Variants in BSDC1 observed in about 807,000 individuals in gnomAD.
The protein encoded by BSDC1 is BSD domain-containing protein 1.
Under a neutral mutation model 56.0 loss-of-function variants are expected in BSDC1, and 29 were observed. The ratio of observed to expected loss-of-function variants is 0.52; its 90% confidence interval spans 0.39 to 0.71. The LOEUF is 0.71. Among genes scored for constraint, BSDC1 ranks in the 30% least tolerant of loss-of-function variants. The probability of loss-of-function intolerance (pLI) is 0.00; values close to 1 mark genes in which losing one functional copy is unlikely to be tolerated. For missense variants in BSDC1, 477 were observed against 548.5 expected (o/e 0.87, Z 1.30); for synonymous variants, 210 against 215.3 (o/e 0.98, Z 0.21).
At chr1:32,391,250 C>A (rs533134093) in intron 2 of BSDC1, among the ~76,000 whole-genome samples, 1 of 150,610 alleles carries the variant, frequency 6.6e-6, no homozygotes, top group South Asian at 2.1e-4. Flanking sequence ...ATTTGGCAAG[C>A]AGTAGGTAAA....
rs1220845674 is a variant in BSDC1, at chr1:32,381,265, G to A, written c.361C>T (p.Arg121Cys). 7.4e-6 allele frequency: 12 copies of A among 1,613,540 alleles called. No homozygotes were observed. The highest frequency in any genetic ancestry group is 1.0e-5 in the Non-Finnish European group (12 of 1,179,702). Residue 121 changes from arginine to cysteine, a missense_variant, in exon 5 of 11, where the codon CGC becomes TGC. Transcript: ENST00000455895. ...TAEPYDGTKA[R>C]LYSLQSDPAT... Reference sequence around the variant, plus strand: ...GGGTCCGACTGCAGGCTATAGAGGCGAGCCTGTAAGAAAAGGAGAAGAGGA... The same window carrying A: ...GGGTCCGACTGCAGGCTATAGAGGCAAGCCTGTAAGAAAAGGAGAAGAGGA...
chr1:32,372,011 G>T (rs1439114066), intron 9 of BSDC1, among the ~76,000 whole-genome samples: 2 of 152,220 alleles, frequency 1.3e-5, no homozygotes, highest in Non-Finnish European at 2.9e-5. Flanking sequence ...GCTGGTGGCT[G>T]GGAAGGCTGC....
chr1:32,386,513 G>T, intron 3 of BSDC1: 1 of 346,548 alleles, frequency 2.9e-6, no homozygotes, highest in Non-Finnish European at 5.3e-6. Flanking sequence ...TCTTTCACTT[G>T]TCTGTGTTTT....
chr1:32,369,418 G>T, intron 9 of BSDC1: 1 of 598,024 alleles, frequency 1.7e-6, no homozygotes, highest in Non-Finnish European at 2.6e-6. Flanking sequence ...CTGAGGTGTG[G>T]TGATCACTTG....
At chr1:32,384,634 T>C (rs546354045) in intron 3 of BSDC1, among the ~76,000 whole-genome samples, 52 of 152,222 alleles carry the variant, frequency 3.4e-4, no homozygotes, top group Non-Finnish European at 3.4e-4. Context: ...TGGGCAGGAT[T>C]AGAACAGATA....
At chr1:32,376,950 C>T (rs890969365) in intron 8 of BSDC1, among the ~76,000 whole-genome samples, 4 of 152,112 alleles carry the variant, frequency 2.6e-5, no homozygotes, top group South Asian at 2.1e-4. Flanking sequence ...CTGGCCAACA[C>T]GGTGAAACCC....
At chr1:32,394,336 T>C (rs1341361270) in intron 1 of BSDC1, 68 bp downstream of exon 1, 5 of 1,612,174 alleles carry the variant, frequency 3.1e-6, no homozygotes, top group South Asian at 1.1e-5. Context: ...CCACCGGGAC[T>C]CTCGCCCAGC....
Position 32,366,235 on chromosome 1 carries a change from C to G in BSDC1, c.*387G>C, listed in dbSNP as rs931866171. On this transcript the variant is annotated 3_prime_UTR_variant, in exon 11 of 11. Coordinates refer to ENST00000455895, the MANE Select transcript of BSDC1 (RefSeq NM_018045.8). ...GGACAGAGTATGTTGTCTCAGCTTC[C>G]TCCGAGAGAGACTGGTGGTTTAGCT... The G allele has an allele frequency of 6.0e-5, 23 of 381,926 alleles. No homozygotes were observed. The highest frequency in any genetic ancestry group is 2.7e-4 in the Admixed American group (7 of 26,134). 23.7% of individuals were successfully genotyped at this position (381,926 alleles called of 1,614,324 possible). A position where few individuals can be genotyped will look rare whatever the true frequency, so the allele number is the denominator to read the frequency against.
At chr1:32,384,277 C>T (rs1355324705) in intron 3 of BSDC1, among the ~76,000 whole-genome samples, 1 of 152,138 alleles carries the variant, frequency 6.6e-6, no homozygotes, top group East Asian at 1.9e-4. Context: ...CCGGTCAAAA[C>T]TTGGCCAGAG....
chr1:32,367,646 G>C, intron 10 of BSDC1: 7 of 985,470 alleles, frequency 7.1e-6, no homozygotes, highest in Non-Finnish European at 8.4e-6. Flanking sequence ...GGAGAGCTTT[G>C]GACTGTTCCA....
chr1:32,368,433 C>T lies in BSDC1; in HGVS notation c.1260+14G>A, dbSNP rs765500703. On this transcript the variant is annotated intron_variant, in intron 10 of 10. Transcript: ENST00000455895. ...ATTAGGCTCGCTTCCCTCTGACCCA[C>T]CAGGCCCACTCACCTCCCCGGAGGC... 1.5e-5 allele frequency: 25 copies of T among 1,614,146 alleles called. 1 individual carries two copies. The highest frequency in any genetic ancestry group is 2.2e-5 in the South Asian group (2 of 91,084).
At chr1:32,376,144 T>A in intron 9 of BSDC1, 118 bp downstream of exon 9, 1 of 1,168,368 alleles carries the variant, frequency 8.6e-7, no homozygotes, top group Non-Finnish European at 1.1e-6. Context: ...CTGTCATCAT[T>A]ATCAGAAACG....
In BSDC1 at chr1:32,378,809, G is replaced by A; in HGVS notation, c.443C>T (p.Ser148Phe). The change falls in exon 6 of 11, where the codon TCC (serine) becomes TTC (phenylalanine). Residue 148 changes from serine (S) to phenylalanine (F), a missense_variant. Transcript: ENST00000455895. This position sits in a 1 kb window ranked among gnomAD's most constrained non-coding sequence, Gnocchi z 5.2. ...GPPELFDAWL[S>F]QFCLEEKKGE... ...CTTCTTCTCCTCCAAGCAGAACTGG[G>A]AAAGCCAGGCGTCAAACAATTCCGG... 6.5e-7 allele frequency: 1 copy of A among 1,542,512 alleles called. No homozygotes were observed. The highest frequency in any genetic ancestry group is 8.7e-7 in the Non-Finnish European group (1 of 1,143,052).
At chr1:32,393,046 A>G (rs551106303) in intron 2 of BSDC1, among the ~76,000 whole-genome samples, 6 of 152,354 alleles carry the variant, frequency 3.9e-5, no homozygotes, top group African/African-American at 1.4e-4. Flanking sequence ...CCTAGGTGAC[A>G]GAGTGAGACT....
At chr1:32,394,311 C>G in intron 1 of BSDC1, 93 bp downstream of exon 1, 1 of 1,602,742 alleles carries the variant, frequency 6.2e-7, no homozygotes, top group South Asian at 1.1e-5. Flanking sequence ...CACGCCCCCG[C>G]TGATCTCACG....
At chr1:32,392,315 C>A (rs1303217364) in intron 2 of BSDC1, among the ~76,000 whole-genome samples, 2 of 152,052 alleles carry the variant, frequency 1.3e-5, no homozygotes, top group South Asian at 2.1e-4. Context: ...GGTAACAGAG[C>A]CAGACTTGGT....
intron 10 of BSDC1, chr1:32,367,054 A>C: frequency 1.0e-6 from 1 of 997,740 alleles, no homozygotes. Context: ...CTGGACACAA[A>C]AGACCAGTGT....
intron 2 of BSDC1, among the ~76,000 whole-genome samples, chr1:32,388,869 C>G (rs898978602): frequency 6.6e-6 from 1 of 152,136 alleles, no homozygotes; most frequent in African/African-American, 2.4e-5. Flanking sequence ...TCATCCTCAA[C>G]GTCTATGCTT....
chr1:32,387,049 T>C (rs1193697151), intron 2 of BSDC1, among the ~76,000 whole-genome samples, 154 bp from the exon 3 acceptor site: 1 of 152,214 alleles, frequency 6.6e-6, no homozygotes, highest in Admixed American at 6.5e-5. Context: ...CCCAATTCCA[T>C]GATCTGGGAT....
Sources: allele counts gnomAD v4.1 joint callset (sites outside exome capture counted in the v4.1 genomes callset), GRCh38; gene constraint gnomAD v4.1.1; non-coding constraint Gnocchi (gnomAD v3.1); transcripts MANE v1.5; gene names NCBI Gene and HGNC (gene_info 2026-07-23, HGNC 2026-07-21).